ITIH2: variants seen among roughly 807,000 people sequenced by gnomAD.
ITIH2 encodes inter-alpha-trypsin inhibitor heavy chain 2, also known as inter-alpha-trypsin inhibitor heavy chain H2.
Under a neutral mutation model 104.4 loss-of-function variants are expected in ITIH2, and 103 were observed. The ratio of observed to expected loss-of-function variants is 0.99; its 90% CI spans 0.84 to 1.16. ITIH2 has a LOEUF of 1.16. Among genes scored for constraint, ITIH2 ranks in the 50% most tolerant of loss-of-function variants. The pLI, the probability that ITIH2 is intolerant of heterozygous loss-of-function variation, is 0.00. For missense variants in ITIH2, 1,108 were observed against 1,162.4 expected (o/e 0.95, Z 0.68); for synonymous variants, 436 against 435.4 (o/e 1.00, Z -0.02).
At chr10:7,717,181 T>C (rs11255307) in intron 5 of ITIH2, among the ~76,000 whole-genome samples, 5,646 of 152,204 alleles carry the variant, frequency 0.037, 312 homozygotes, top group African/African-American at 0.12. Context: ...CTCGAACTCC[T>C]GACCTCGTGA....
chr10:7,741,139 A>G (rs1835119477), intron 16 of ITIH2, among the ~76,000 whole-genome samples: 1 of 150,952 alleles, frequency 6.6e-6, no homozygotes, highest in Non-Finnish European at 1.5e-5. Flanking sequence ...ATTTGTGTAG[A>G]GGAAGAAAGA....
rs758305016 is a variant in ITIH2, at chr10:7,731,997, GTACTTCCACTTATCCATTTA to G, written c.1647+3_1647+22del. 1 of 1,610,564 alleles carries G rather than the reference GTACTTCCACTTATCCATTTA, an allele frequency of 6.2e-7. No homozygotes were observed. Among genetic ancestry groups the G allele is most frequent in the South Asian group, 1.1e-5 (1 of 90,820 alleles). On this transcript the variant is annotated splice_donor_variant and splice_donor_5th_base_variant and intron_variant, in intron 13 of 20. Transcript: ENST00000358415. LOFTEE classifies it high-confidence loss of function. ...AGAGAGCGTTATCACGGCGACTTCG[GTACTTCCACTTATCCATTTA>G]TTCTATCTACTAACTGACCCCCTAG...
rs926509836 is a variant in ITIH2 at position 7,729,863 on chromosome 10, C to T, written c.1280-89C>T. The stretch of plus-strand genomic sequence containing the variant: ...GGGAAATGCAGTTTTAATCTGGACA[C>T]ACTTTACTAAACTGCCCTCCCTGGA... On this transcript the variant is annotated intron_variant, in intron 11 of 20. Coordinates refer to ENST00000358415, the MANE Select transcript of ITIH2 (RefSeq NM_002216.3). 2.0e-5 allele frequency: 16 copies of T among 816,348 alleles called. No homozygotes were observed. The African/African-American group carries it at 2.3e-4, about 12-fold the overall frequency. The allele number at this position is 816,348 out of a possible 1,614,324, so 50.6% of individuals were successfully genotyped here.
At chr10:7,712,195 T>C (rs1483519364) in intron 4 of ITIH2, among the ~76,000 whole-genome samples, 1 of 152,228 alleles carries the variant, frequency 6.6e-6, no homozygotes, top group Non-Finnish European at 1.5e-5. Context: ...AAATTCATAG[T>C]TCTGAAGGCC....
intron 9 of ITIH2, 42 bp downstream of exon 9, chr10:7,723,609 T>G (rs755622598): frequency 1.7e-6 from 2 of 1,156,860 alleles, no homozygotes; most frequent in South Asian, 2.4e-5. Flanking sequence ...GGATTCCCTA[T>G]CTTCTTTGAT....
chr10:7,734,682 G>A (rs1001738697), intron 14 of ITIH2, among the ~76,000 whole-genome samples: 4 of 152,194 alleles, frequency 2.6e-5, no homozygotes, highest in Non-Finnish European at 4.4e-5. Flanking sequence ...GCAACAGGGC[G>A]AGACCTTGTC....
chr10:7,732,568 A>G, intron 14 of ITIH2, 91 bp downstream of exon 14: 1 of 1,399,816 alleles, frequency 7.1e-7, no homozygotes, highest in South Asian at 1.3e-5. Flanking sequence ...AGAGTTTGGA[A>G]GCAAGAAAGA....
chr10:7,716,710 T>G lies in ITIH2; in HGVS notation c.468-916T>G, dbSNP rs544479643. Among the ~76,000 whole-genome samples the G allele has an allele frequency of 4.7e-4, 59 of 126,802 alleles. 3 individuals are homozygous for G. In the South Asian group the frequency reaches 0.012, roughly 26 times the overall value. The allele number at this position is 126,802 out of a possible 152,430, so 83.2% of individuals were successfully genotyped here. A position where few individuals can be genotyped will look rare whatever the true frequency, so the allele number is the denominator to read the frequency against. On this transcript the variant is annotated intron_variant, in intron 5 of 20. Transcript: ENST00000358415. ...GAGATCACACCACTGCACTACAGCC[T>G]GGGCAGCAGAGCGAGACCCCAGCTC...
chr10:7,738,967 A>G (rs1458456117), intron 16 of ITIH2, among the ~76,000 whole-genome samples: 4 of 152,134 alleles, frequency 2.6e-5, no homozygotes, highest in Admixed American at 2.6e-4. Context: ...AGTTTTGTTC[A>G]GTCTTTAAAA....
intron 9 of ITIH2, among the ~76,000 whole-genome samples, chr10:7,725,569 A>G (rs1834944179): frequency 6.6e-6 from 1 of 152,210 alleles, no homozygotes; most frequent in South Asian, 2.1e-4. Context: ...GGAAGAAAAG[A>G]GAAGTGAAAG....
intron 17 of ITIH2, 115 bp from the exon 18 acceptor site, chr10:7,743,967 C>A: frequency 1.6e-6 from 1 of 624,828 alleles, no homozygotes; most frequent in Non-Finnish European, 2.6e-6. Flanking sequence ...AATCTTGAAG[C>A]AAAATTATAA....
chr10:7,744,918 A>G lies in ITIH2; in HGVS notation c.2536A>G (p.Ile846Val), dbSNP rs1402752184. Reference sequence around the variant, plus strand: ...CAATGTTGACTTTCTGGGAATCTACATACCCCCTACAAACAAGTTCTCACC... The same window carrying G: ...CAATGTTGACTTTCTGGGAATCTACGTACCCCCTACAAACAAGTTCTCACC... ...PVNVDFLGIY[I>V]PPTNKFSPKA... Residue 846 changes from isoleucine (I) to valine (V), a missense_variant, in exon 19 of 21, where the codon ATA becomes GTA. Coordinates refer to ENST00000358415, the MANE Select transcript of ITIH2 (RefSeq NM_002216.3). The G allele has an allele frequency of 6.2e-7, 1 of 1,614,152 alleles. No individual in the cohort carries two copies. The highest frequency in any genetic ancestry group is 1.3e-5 in the African/African-American group (1 of 75,056).
At chr10:7,725,619 T>C (rs1156571806) in intron 9 of ITIH2, among the ~76,000 whole-genome samples, 6 of 152,190 alleles carry the variant, frequency 3.9e-5, no homozygotes, top group Non-Finnish European at 8.8e-5. Context: ...AAGGATGAAG[T>C]GGCCATCCAT....
At chr10:7,733,105 G>T (rs1181355871) in intron 14 of ITIH2, among the ~76,000 whole-genome samples, 1 of 151,998 alleles carries the variant, frequency 6.6e-6, no homozygotes, top group Non-Finnish European at 1.5e-5. Context: ...AGATCCAGAT[G>T]TAGGTTCCCT....
chr10:7,745,301 G>T (rs1468254844), intron 19 of ITIH2, among the ~76,000 whole-genome samples: 1 of 152,164 alleles, frequency 6.6e-6, no homozygotes, highest in Non-Finnish European at 1.5e-5. Flanking sequence ...CTGGACAAAT[G>T]TCCCTAGTAT....
chr10:7,740,276 C>A (rs1835112080), intron 16 of ITIH2, among the ~76,000 whole-genome samples: 1 of 152,114 alleles, frequency 6.6e-6, no homozygotes, highest in Non-Finnish European at 1.5e-5. Flanking sequence ...ATTTTGGGGC[C>A]ACAAGTAACT....
intron 15 of ITIH2, 87 bp downstream of exon 15, chr10:7,735,178 AC>A: frequency 8.2e-7 from 1 of 1,213,428 alleles, no homozygotes; most frequent in Non-Finnish European, 1.1e-6. Flanking sequence ...GCTCTCTCCC[AC>A]CCCAGCCCAC....
intron 2 of ITIH2, 102 bp from the exon 3 acceptor site, chr10:7,707,099 G>A (rs1057101743): frequency 7.4e-5 from 54 of 729,208 alleles, no homozygotes; most frequent in Non-Finnish European, 1.2e-4. Flanking sequence ...GCTCAGTATT[G>A]AAGAAAAATA....
intron 13 of ITIH2, 144 bp from the exon 14 acceptor site, chr10:7,732,194 A>G (rs1168098460): frequency 2.5e-5 from 25 of 1,007,990 alleles, no homozygotes; most frequent in Non-Finnish European, 3.5e-5. Flanking sequence ...AATCCCAAGC[A>G]CAGGAATGCA....
Sources: gnomAD v4.1 joint callset for allele counts (sites outside exome capture counted in the v4.1 genomes callset) on GRCh38, gnomAD v4.1.1 for gene constraint, MANE v1.5 for transcripts, NCBI Gene and HGNC (gene_info 2026-07-23, HGNC 2026-07-21) for gene names.